NTRK3: variants seen among roughly 807,000 people sequenced by gnomAD.
NTRK3 encodes NT-3 growth factor receptor.
Under a neutral mutation model 91.7 loss-of-function variants are expected in NTRK3, and 24 were observed. The observed-to-expected ratio is 0.26, with a 90% confidence interval of 0.19 to 0.37. The LOEUF (loss-of-function observed/expected upper bound fraction) is 0.37, where lower values mean the gene tolerates loss of function less well. NTRK3 is among the 10% of genes least tolerant of loss of function. NTRK3 has a pLI of 1.00. For missense variants in NTRK3, 880 were observed against 1,068.9 expected (o/e 0.82, Z 2.46); for synonymous variants, 483 against 404.0 (o/e 1.20, Z -2.34).
intron 16 of NTRK3, 141 bp downstream of exon 16, chr15:87,932,871 A>G (rs2068929188): frequency 3.4e-6 from 3 of 874,058 alleles, no homozygotes; most frequent in Non-Finnish European, 5.6e-6. Context: ...GAGATCATGT[A>G]TAAGAATGAA....
chr15:87,941,266 C>T (rs2069816419), intron 14 of NTRK3, among the ~76,000 whole-genome samples: 1 of 152,130 alleles, frequency 6.6e-6, no homozygotes, highest in South Asian at 2.1e-4. Context: ...GGGTCCACGC[C>T]ATTACTAGTT....
chr15:88,045,077 G>A (rs1167068289), intron 13 of NTRK3, among the ~76,000 whole-genome samples: 1 of 152,142 alleles, frequency 6.6e-6, no homozygotes, highest in Non-Finnish European at 1.5e-5. Context: ...CCCAGGCCCA[G>A]CTCTCTGTTG....
chr15:87,961,809 A>G (rs1422768778), intron 14 of NTRK3, among the ~76,000 whole-genome samples: 1 of 152,258 alleles, frequency 6.6e-6, no homozygotes, highest in Admixed American at 6.5e-5. Flanking sequence ...CAATCCACCT[A>G]TAACTGCTTC....
intron 14 of NTRK3, among the ~76,000 whole-genome samples, chr15:87,958,494 G>C (rs900493648): frequency 1.3e-5 from 2 of 151,876 alleles, no homozygotes; most frequent in Admixed American, 6.6e-5. Context: ...AAGAACTCTT[G>C]CTTCTTCTCC....
chr15:87,935,538 G>C lies in NTRK3; in HGVS notation c.1717-2354C>G, dbSNP rs191378520. On this transcript the variant is annotated intron_variant, in intron 15 of 18. Transcript: ENST00000394480. Reference sequence around the variant, plus strand: ...ATGGGCTGGGTCATGGGTATTGAATGATGCAGAGTGGTTTATTTATTTTCA... The same window carrying C: ...ATGGGCTGGGTCATGGGTATTGAATCATGCAGAGTGGTTTATTTATTTTCA... Among the ~76,000 whole-genome samples, 5 of 152,324 alleles carry C rather than the reference G, an allele frequency of 3.3e-5. 1 individual carries two copies. Among genetic ancestry groups the C allele is most frequent in the Admixed American group, 2.6e-4 (4 of 15,304 alleles).
At chr15:88,092,004 T>C (rs1309564792) in intron 13 of NTRK3, among the ~76,000 whole-genome samples, 1 of 152,196 alleles carries the variant, frequency 6.6e-6, no homozygotes, top group African/African-American at 2.4e-5. Flanking sequence ...AACAAATTAC[T>C]TGCAACCCAT....
intron 5 of NTRK3, among the ~76,000 whole-genome samples, chr15:88,177,003 T>C (rs542746828): frequency 6.6e-6 from 1 of 152,278 alleles, no homozygotes; most frequent in South Asian, 2.1e-4. Context: ...GGGCCAGCCA[T>C]GCCAAGATCC....
chr15:88,166,360 C>T (rs72758247), intron 5 of NTRK3, among the ~76,000 whole-genome samples: 1 of 152,324 alleles, frequency 6.6e-6, no homozygotes, highest in Non-Finnish European at 1.5e-5. Flanking sequence ...GGCCACCTGT[C>T]CACCACATGC....
intron 14 of NTRK3, among the ~76,000 whole-genome samples, chr15:87,952,275 A>T (rs188718266): frequency 1.4e-5 from 2 of 143,362 alleles, no homozygotes; most frequent in Non-Finnish European, 3.2e-5. Context: ...AAGGAAGGAA[A>T]GAAAGAAAGA....
chr15:87,912,606 T>C (rs149281131), intron 17 of NTRK3, among the ~76,000 whole-genome samples: 1,585 of 151,464 alleles, frequency 0.01, 10 homozygotes, highest in Middle Eastern at 0.055. Flanking sequence ...AGGTGTGTGA[T>C]CTTGAGGGAC....
intron 13 of NTRK3, among the ~76,000 whole-genome samples, chr15:88,116,176 T>C (rs1322452901): frequency 6.6e-6 from 1 of 152,130 alleles, no homozygotes; most frequent in Non-Finnish European, 1.5e-5. Context: ...AGTCCCGTCA[T>C]GTGGAAAGAG....
chr15:88,031,157 T>C (rs1019438008), intron 14 of NTRK3, among the ~76,000 whole-genome samples: 1 of 152,236 alleles, frequency 6.6e-6, no homozygotes, highest in African/African-American at 2.4e-5. Flanking sequence ...CAAGGTTATG[T>C]ATTGACTGGT....
At chr15:87,982,421 G>A (rs2074366967) in intron 14 of NTRK3, among the ~76,000 whole-genome samples, 1 of 152,196 alleles carries the variant, frequency 6.6e-6, no homozygotes, top group African/African-American at 2.4e-5. Context: ...TCCAAAGAAG[G>A]CCTTACCCAC....
intron 17 of NTRK3, among the ~76,000 whole-genome samples, chr15:87,899,827 G>A (rs1223950894): frequency 6.6e-6 from 1 of 152,164 alleles, no homozygotes; most frequent in Non-Finnish European, 1.5e-5. Context: ...GCTTCTCTGA[G>A]CTGGAGCTGA....
At chr15:88,124,223 C>A (rs745331193) in intron 13 of NTRK3, among the ~76,000 whole-genome samples, 1 of 152,052 alleles carries the variant, frequency 6.6e-6, no homozygotes, top group Non-Finnish European at 1.5e-5. Flanking sequence ...TTAAGTTGCC[C>A]GACTTTACAA....
chr15:88,165,522 T>C (rs985567513), intron 5 of NTRK3, among the ~76,000 whole-genome samples: 7 of 152,196 alleles, frequency 4.6e-5, no homozygotes, highest in Non-Finnish European at 1.0e-4. Flanking sequence ...TCATTACCAA[T>C]AATCATGAGA....
intron 13 of NTRK3, among the ~76,000 whole-genome samples, chr15:88,114,103 A>T (rs960131919): frequency 6.6e-6 from 1 of 152,156 alleles, no homozygotes; most frequent in East Asian, 1.9e-4. Flanking sequence ...TGCTCTGTGC[A>T]GTCAGCAATC....
At chr15:88,182,118 G>C (rs999161316) in intron 5 of NTRK3, among the ~76,000 whole-genome samples, 4 of 152,090 alleles carry the variant, frequency 2.6e-5, no homozygotes, top group Non-Finnish European at 4.4e-5. Context: ...TGAAAGGGAG[G>C]TCTCAGTCCC....
intron 3 of NTRK3, among the ~76,000 whole-genome samples, chr15:88,223,314 G>A (rs2050396056): frequency 1.3e-5 from 2 of 152,240 alleles, no homozygotes; most frequent in African/African-American, 4.8e-5. Context: ...TGCTGGAGGA[G>A]GGGGCTGGCC....
Sources: gnomAD v4.1 joint callset for allele counts (sites outside exome capture counted in the v4.1 genomes callset) on GRCh38, gnomAD v4.1.1 for gene constraint, MANE v1.5 for transcripts, NCBI Gene and HGNC (gene_info 2026-07-23, HGNC 2026-07-21) for gene names.